TMEM268: variants seen among roughly 807,000 people sequenced by gnomAD.
The protein encoded by TMEM268 is transmembrane protein 268, also known as transmembrane protein C9orf91.
Under a neutral mutation model 39.1 loss-of-function variants are expected in TMEM268, and 24 were observed. That is an observed-to-expected ratio of 0.61 (90% CI 0.44 to 0.86). The LOEUF (loss-of-function observed/expected upper bound fraction) is 0.86. TMEM268 is among the 40% of genes least tolerant of loss of function. The pLI is 0.00. For missense variants in TMEM268, 409 were observed against 428.6 expected, an observed-to-expected ratio of 0.95 and a Z score of 0.40; for synonymous variants, 176 against 173.5, an observed-to-expected ratio of 1.01 and a Z score of -0.12.
chr9:114,616,857 C>T (rs926199747), intron 1 of TMEM268, among the ~76,000 whole-genome samples: 1 of 152,128 alleles, frequency 6.6e-6, no homozygotes, highest in Non-Finnish European at 1.5e-5. Context: ...TCCCTGTGGG[C>T]CCCTGGCTGT....
At position 114,617,128 on chromosome 9, in the gene TMEM268, C is replaced by T; in HGVS notation, c.-68C>T. 9.5e-7 allele frequency: 1 copy of T among 1,055,488 alleles called. No individual in the cohort carries two copies. Among genetic ancestry groups the T allele is most frequent in the South Asian group, 1.4e-5 (1 of 69,042 alleles). 65.4% of individuals were successfully genotyped at this position (1,055,488 alleles called of 1,614,324 possible). Reference sequence around the variant, plus strand: ...TGCTGTTTTCTGAAGGCATATGATGCTGAGCTGGCTGCTCCAGAATGAACC... The same window carrying T: ...TGCTGTTTTCTGAAGGCATATGATGTTGAGCTGGCTGCTCCAGAATGAACC... On this transcript the variant is annotated 5_prime_UTR_variant, in exon 2 of 9. Transcript: ENST00000288502.
At chr9:114,609,581 A>G (rs1034486710), upstream of TMEM268, among the ~76,000 whole-genome samples, 1 of 151,330 alleles carries the variant, frequency 6.6e-6, no homozygotes, top group East Asian at 2.0e-4. Flanking sequence ...TCTACCAGAG[A>G]GGCTGAGGTG....
At position 114,643,394 on chromosome 9, in the gene TMEM268, C is replaced by A; in HGVS notation, c.*81C>A. On this transcript the variant is annotated 3_prime_UTR_variant, in exon 9 of 9. Coordinates refer to ENST00000288502, the MANE Select transcript of TMEM268 (RefSeq NM_153045.4). ...GGAGCCCAAGATGGCCAATGGGGAGCCCCAGGTGAGGAGAGAAGCATCTGG... is the reference window on the plus strand; with the variant it reads ...GGAGCCCAAGATGGCCAATGGGGAGACCCAGGTGAGGAGAGAAGCATCTGG... 7.5e-7 allele frequency: 1 copy of A among 1,326,540 alleles called. No individual in the cohort carries two copies. The highest frequency in any genetic ancestry group is 1.1e-6 in the Non-Finnish European group (1 of 938,572). The allele number at this position is 1,326,540 out of a possible 1,614,324, so 82.2% of individuals were successfully genotyped here.
In TMEM268 at chr9:114,627,838, C is replaced by T. The variant is rs139430013; in HGVS notation, c.325-263C>T. Reference sequence around the variant, plus strand: ...GATATTTGTCTCACTTCAGATCCACCTGCCTTTTTCTGTTTTATTTAAAAT... The same window carrying T: ...GATATTTGTCTCACTTCAGATCCACTTGCCTTTTTCTGTTTTATTTAAAAT... On this transcript the variant is annotated intron_variant, in intron 4 of 8. Transcript: ENST00000288502. 3.2e-3 allele frequency among the ~76,000 whole-genome samples: 486 copies of T among 152,306 alleles called. 17 individuals are homozygous for T. The East Asian group carries it at 0.047, about 15-fold the overall frequency.
In TMEM268 at chr9:114,645,048, T is replaced by G. The variant is rs1827517113; in HGVS notation, c.*1735T>G. The G allele has an allele frequency of 6.6e-6, 1 of 152,418 alleles. No individual in the cohort carries two copies. Among genetic ancestry groups the G allele is most frequent in the Non-Finnish European group, 1.5e-5 (1 of 68,140 alleles). The allele number at this position is 152,418 out of a possible 1,614,324, so 9.4% of individuals were successfully genotyped here. On this transcript the variant is annotated 3_prime_UTR_variant, in exon 9 of 9. Transcript: ENST00000288502. ...CCTGACCTCAGGTGATCCACCCGCC[T>G]CGGGCTCCCAAAGTGCTGGGATTAC...
intron 1 of TMEM268, among the ~76,000 whole-genome samples, 177 bp downstream of exon 1, chr9:114,611,741 C>A (rs1292523538): frequency 2.0e-5 from 3 of 152,146 alleles, no homozygotes; most frequent in Non-Finnish European, 2.9e-5. Context: ...CCCTGGGGCC[C>A]CTCCCCCGCG....
chr9:114,617,779 C>T (rs1845789409), intron 2 of TMEM268, among the ~76,000 whole-genome samples: 2 of 152,178 alleles, frequency 1.3e-5, no homozygotes, highest in Non-Finnish European at 2.9e-5. Flanking sequence ...ACTTTGTTGC[C>T]CAGGCTGGTC....
chr9:114,630,811 C>G (rs1341676760), intron 5 of TMEM268, among the ~76,000 whole-genome samples: 1 of 152,090 alleles, frequency 6.6e-6, no homozygotes, highest in Non-Finnish European at 1.5e-5. Flanking sequence ...GCCACACAGC[C>G]CTTCTCAGGT....
chr9:114,635,349 C>CAA (rs78652701), intron 6 of TMEM268, among the ~76,000 whole-genome samples: 1 of 141,410 alleles, frequency 7.1e-6, no homozygotes, highest in Non-Finnish European at 1.6e-5. Context: ...GACTCCATCT[C>CAA]AAAAAAAAAA....
In TMEM268 at chr9:114,617,209, C is replaced by T; in HGVS notation, c.14C>T (p.Pro5Leu). Residue 5 changes from proline to leucine, a missense_variant, in exon 2 of 9, where the codon CCA becomes CTA. By Grantham distance (98) the Pro-to-Leu change is moderately conservative. Transcript: ENST00000288502. MACE[P>L]QVDPGATGPL... Reference sequence around the variant, plus strand: ...TGGCGCCCTGCCATGGCCTGTGAACCACAGGTGGACCCGGGGGCCACTGGC... The same window carrying T: ...TGGCGCCCTGCCATGGCCTGTGAACTACAGGTGGACCCGGGGGCCACTGGC... 2 of 1,607,504 alleles carry T rather than the reference C, an allele frequency of 1.2e-6. No homozygotes were observed. Among genetic ancestry groups the T allele is most frequent in the Non-Finnish European group, 1.7e-6 (2 of 1,177,432 alleles).
chr9:114,606,261 G>T (rs1845364218), upstream of TMEM268, among the ~76,000 whole-genome samples: 1 of 152,250 alleles, frequency 6.6e-6, no homozygotes, highest in South Asian at 2.1e-4. Flanking sequence ...GCCCCGGGGG[G>T]ATTGCTGGCC....
chr9:114,609,411 G>A (rs1168340753), upstream of TMEM268, among the ~76,000 whole-genome samples: 3 of 152,212 alleles, frequency 2.0e-5, no homozygotes, highest in African/African-American at 7.2e-5. Flanking sequence ...GCTTGCACGT[G>A]TAATCCCAGC....
chr9:114,637,125 G>A (rs992866692), intron 7 of TMEM268, 55 bp downstream of exon 7: 21 of 1,151,964 alleles, frequency 1.8e-5, no homozygotes, highest in African/African-American at 7.6e-5. Flanking sequence ...AAGTTGTATC[G>A]ATTTCATTAT....
chr9:114,633,964 TAC>T, intron 6 of TMEM268, 86 bp downstream of exon 6: 1 of 711,484 alleles, frequency 1.4e-6, no homozygotes, highest in Non-Finnish European at 2.3e-6. Context: ...TCTCCCAGCC[TAC>T]ACAGTGTTTG....
chr9:114,633,837 G>A lies in TMEM268; in HGVS notation c.544G>A (p.Gly182Arg). The part of the protein sequence containing the change: ...GALLRHRVLL[G>R]VTDTVEGCQS... ...CCTCCTGAGACACCGGGTGCTGCTG[G>A]GGGTGACAGACACAGTGGAAGGATG... Residue 182 changes from glycine to arginine, a missense_variant, in exon 6 of 9, where the codon GGG (glycine) becomes AGG (arginine). By Grantham distance (125) the Gly-to-Arg change is moderately radical. Coordinates refer to ENST00000288502, the MANE Select transcript of TMEM268 (RefSeq NM_153045.4). 1.2e-6 allele frequency: 2 copies of A among 1,607,612 alleles called. No homozygotes were observed. Among genetic ancestry groups the A allele is most frequent in the South Asian group, 1.1e-5 (1 of 90,136 alleles).
chr9:114,626,504 T>C (rs1051093015), intron 3 of TMEM268, among the ~76,000 whole-genome samples: 5 of 152,224 alleles, frequency 3.3e-5, no homozygotes, highest in African/African-American at 1.2e-4. Context: ...TTCTACAAAG[T>C]GGGTACTTTT....
At chr9:114,630,204 C>G (rs1195273478) in intron 5 of TMEM268, among the ~76,000 whole-genome samples, 1 of 152,198 alleles carries the variant, frequency 6.6e-6, no homozygotes. Context: ...CAGGGCCGCA[C>G]AGCCAGGAAA....
chr9:114,619,944 C>T (rs1433120210), intron 2 of TMEM268, among the ~76,000 whole-genome samples: 3 of 151,998 alleles, frequency 2.0e-5, no homozygotes, highest in African/African-American at 7.3e-5. Flanking sequence ...CATGGTGGCT[C>T]ATGCCTGTAA....
intron 2 of TMEM268, among the ~76,000 whole-genome samples, chr9:114,617,641 G>T (rs1845783623): frequency 6.6e-6 from 1 of 152,198 alleles, no homozygotes; most frequent in African/African-American, 2.4e-5. Flanking sequence ...CGTGATTGTA[G>T]CTCACTGGAG....
Sources: allele counts gnomAD v4.1 joint callset (sites outside exome capture counted in the v4.1 genomes callset), GRCh38; gene constraint gnomAD v4.1.1; transcripts MANE v1.5; gene names NCBI Gene and HGNC (gene_info 2026-07-23, HGNC 2026-07-21).